Variants in GRAMD4 observed in about 807,000 individuals in gnomAD.
GRAMD4 encodes the protein GRAM domain-containing protein 4.
A neutral mutation model predicts 83.9 loss-of-function variants in GRAMD4; 25 were observed. The observed-to-expected ratio is 0.30, with a 90% CI of 0.22 to 0.42. The LOEUF (loss-of-function observed/expected upper bound fraction) is 0.42, where lower values mean the gene tolerates loss of function less well. GRAMD4 is among the 10% of genes least tolerant of loss of function. The pLI is 1.00. For synonymous variants in GRAMD4, 336 were observed against 320.9 expected (o/e 1.05, Z -0.50); for missense variants, 593 against 788.7 (o/e 0.75, Z 2.97).
At chr22:46,645,796 G>A (rs1439290334) in intron 3 of GRAMD4, among the ~76,000 whole-genome samples, 1 of 152,190 alleles carries the variant, frequency 6.6e-6, no homozygotes, top group Non-Finnish European at 1.5e-5. Context: ...TAAATTAAAA[G>A]CATCATGCGT....
At chr22:46,644,850 A>G (rs1387566052) in intron 3 of GRAMD4, among the ~76,000 whole-genome samples, 8 of 134,172 alleles carry the variant, frequency 6.0e-5, no homozygotes, top group African/African-American at 2.3e-4. Context: ...CTCCCACCTC[A>G]GCTTCCTGAG....
intron 1 of GRAMD4, among the ~76,000 whole-genome samples, chr22:46,577,687 G>T (rs1163198788): frequency 6.6e-6 from 1 of 152,124 alleles, no homozygotes; most frequent in Non-Finnish European, 1.5e-5. Flanking sequence ...ATCCACTCCC[G>T]GGTGGGACGG....
Position 46,677,327 on chromosome 22 carries a change from G to T in GRAMD4, c.*76G>T. ...CTTTTTTTTTTTTTACGATTTGGTA[G>T]TGGAAACAATTGGACATCCTCATGA... On this transcript the variant is annotated 3_prime_UTR_variant, in exon 19 of 19. Transcript: ENST00000406902. The T allele has an allele frequency of 6.7e-7, 1 of 1,496,650 alleles. No homozygotes were observed. Among genetic ancestry groups the T allele is most frequent in the Non-Finnish European group, 8.9e-7 (1 of 1,126,268 alleles). The allele number at this position is 1,496,650 out of a possible 1,614,324, so 92.7% of individuals were successfully genotyped here. A position where few individuals can be genotyped will look rare whatever the true frequency, so the allele number is the denominator to read the frequency against.
intron 3 of GRAMD4, among the ~76,000 whole-genome samples, chr22:46,655,905 C>T (rs1469127000): frequency 2.0e-5 from 3 of 152,234 alleles, no homozygotes; most frequent in Non-Finnish European, 4.4e-5. Flanking sequence ...GCCATGTCAG[C>T]GGGTCGGGGA....
chr22:46,638,072 C>T (rs530591674), intron 3 of GRAMD4, 112 bp downstream of exon 3: 48 of 1,158,282 alleles, frequency 4.1e-5, no homozygotes, highest in Non-Finnish European at 5.5e-5. Context: ...CACGCAGGCT[C>T]CATCGCTGGA....
intron 13 of GRAMD4, among the ~76,000 whole-genome samples, chr22:46,671,748 G>C (rs2082509536): frequency 6.6e-6 from 1 of 150,722 alleles, no homozygotes; most frequent in Non-Finnish European, 1.5e-5. Context: ...GCTGAGGCAG[G>C]AGAATCGCTT....
At chr22:46,680,581 TCCATC>T (rs2082657362), downstream of GRAMD4, among the ~76,000 whole-genome samples, 1 of 15,394 alleles carries the variant, frequency 6.5e-5, no homozygotes, top group Non-Finnish European at 1.5e-4. Flanking sequence ...CATCCATCCA[TCCATC>T]CATCCATCCA....
chr22:46,654,700 T>C (rs2082217203), intron 3 of GRAMD4, among the ~76,000 whole-genome samples: 1 of 152,212 alleles, frequency 6.6e-6, no homozygotes, highest in Non-Finnish European at 1.5e-5. Context: ...CTAGACGCAC[T>C]ACGTGAGAAC....
intron 3 of GRAMD4, among the ~76,000 whole-genome samples, chr22:46,647,310 T>C (rs576392247): frequency 9.2e-5 from 14 of 152,232 alleles, no homozygotes; most frequent in Non-Finnish European, 1.6e-4. Flanking sequence ...TCCCTGTTTC[T>C]CCATCACCTC....
chr22:46,624,961 T>C (rs1056336691), intron 1 of GRAMD4, among the ~76,000 whole-genome samples: 16 of 151,078 alleles, frequency 1.1e-4, no homozygotes, highest in African/African-American at 2.2e-4. Context: ...CCTGGGTTCA[T>C]GCCATTCTCC....
At chr22:46,614,543 C>T (rs1001788588) in intron 1 of GRAMD4, among the ~76,000 whole-genome samples, 10 of 152,174 alleles carry the variant, frequency 6.6e-5, no homozygotes, top group South Asian at 2.1e-4. Context: ...GGTTTGTAAA[C>T]GGAAACAAAA....
At chr22:46,605,182 G>A (rs954987575) in intron 1 of GRAMD4, among the ~76,000 whole-genome samples, 2 of 151,788 alleles carry the variant, frequency 1.3e-5, no homozygotes, top group Admixed American at 1.3e-4. Flanking sequence ...TGTTCTCCGG[G>A]TTCACCCAGG....
chr22:46,677,143 C>A lies in GRAMD4; in HGVS notation c.1633-4C>A, dbSNP rs772466217. On this transcript the variant is annotated splice_region_variant and splice_polypyrimidine_tract_variant and intron_variant, in intron 18 of 18. Transcript: ENST00000406902. ...GCTCACTGGTGGCATTTCTTCCCTG[C>A]CAGCCGCTCGTGTTTGGTGCCATGG... is the stretch of plus-strand genomic sequence containing the variant. 31 of 1,613,004 alleles carry A rather than the reference C, an allele frequency of 1.9e-5. No homozygotes were observed. The South Asian group carries it at 3.1e-4, about 16-fold the overall frequency.
At chr22:46,630,429 G>A (rs2081751176) in intron 2 of GRAMD4, among the ~76,000 whole-genome samples, 1 of 152,314 alleles carries the variant, frequency 6.6e-6, no homozygotes, top group South Asian at 2.1e-4. Context: ...GTGTGCATGT[G>A]CTTCCACATG....
At position 46,679,326 on chromosome 22, in the gene GRAMD4, C is replaced by A; in HGVS notation, c.*2075C>A. 1.0e-6 allele frequency: 1 copy of A among 985,386 alleles called. No individual in the cohort carries two copies. The highest frequency in any genetic ancestry group is 1.2e-6 in the Non-Finnish European group (1 of 829,932). The allele number at this position is 985,386 out of a possible 1,614,324, so 61.0% of individuals were successfully genotyped here. A position where few individuals can be genotyped will look rare whatever the true frequency, so the allele number is the denominator to read the frequency against. On this transcript the variant is annotated 3_prime_UTR_variant, in exon 19 of 19. Transcript: ENST00000406902. ...TTTTGTGGAGAAAGGGAGATGAAAA[C>A]TGACCACGTGCCAGGTGTGGCCGAA... is the stretch of plus-strand genomic sequence containing the variant.
chr22:46,619,495 C>T (rs1482364214), upstream of GRAMD4, among the ~76,000 whole-genome samples: 2 of 152,188 alleles, frequency 1.3e-5, no homozygotes, highest in Non-Finnish European at 2.9e-5. Context: ...CGTACCACCA[C>T]GCTGGCTCAT....
downstream of GRAMD4, among the ~76,000 whole-genome samples, chr22:46,680,889 C>T (rs1170696686): frequency 9.4e-6 from 1 of 106,772 alleles, no homozygotes; most frequent in African/African-American, 3.9e-5. Flanking sequence ...CATCTACCTA[C>T]CCATCCATCC....
At chr22:46,602,824 C>T (rs578067444) in intron 1 of GRAMD4, among the ~76,000 whole-genome samples, 1 of 133,990 alleles carries the variant, frequency 7.5e-6, no homozygotes, top group East Asian at 2.2e-4. Context: ...CTCACTGCAA[C>T]CTCTGCCTCT....
At chr22:46,628,193 G>A (rs1036608238) in intron 2 of GRAMD4, among the ~76,000 whole-genome samples, 1 of 152,186 alleles carries the variant, frequency 6.6e-6, no homozygotes, top group Non-Finnish European at 1.5e-5. Context: ...GGGATTCCAC[G>A]CAAAGGCCAG....
Sources: gnomAD v4.1 joint callset for allele counts (sites outside exome capture counted in the v4.1 genomes callset) on GRCh38, gnomAD v4.1.1 for gene constraint, MANE v1.5 for transcripts, NCBI Gene and HGNC (gene_info 2026-07-23, HGNC 2026-07-21) for gene names.